The following TWIST2 variants were observed in gnomAD, a reference collection of about 807,000 sequenced individuals.
TWIST2 encodes the protein twist family bHLH transcription factor 2.
A neutral mutation model predicts 11.6 loss-of-function variants in TWIST2; 1 was observed. That is an observed-to-expected ratio of 0.09 (90% CI 0.03 to 0.41). The LOEUF is 0.41. TWIST2 is among the 10% of genes least tolerant of loss of function. TWIST2 has a pLI of 0.98. For synonymous variants in TWIST2, 87 were observed against 96.6 expected (o/e 0.90, Z 0.58); for missense variants, 168 against 226.4 (o/e 0.74, Z 1.66).
At chr2:238,849,113 G>A (rs910869625) in intron 1 of TWIST2, among the ~76,000 whole-genome samples, 2 of 152,180 alleles carry the variant, frequency 1.3e-5, no homozygotes, top group Non-Finnish European at 2.9e-5. Context: ...GGGATATGAG[G>A]ACCAGCTGCC....
In TWIST2 at chr2:238,907,474, T is replaced by C. The variant is rs916296463; in HGVS notation, c.*36-2368T>C. Among the ~76,000 whole-genome samples, 101 of 152,272 alleles carry C rather than the reference T, an allele frequency of 6.6e-4. 1 individual carries two copies. The highest frequency in any genetic ancestry group is 1.2e-3 in the Non-Finnish European group (81 of 68,016). On this transcript the variant is annotated intron_variant, in intron 1 of 1. Coordinates refer to ENST00000612363, the MANE Select transcript of TWIST2 (RefSeq NM_001271893.4). ...CTCTGGGTAGCGCCTGAGCGGGTTC[T>C]TTCCCCAAGGCGCTCCCGGGACAGC...
intron 1 of TWIST2, among the ~76,000 whole-genome samples, chr2:238,890,187 C>G (rs1435247200): frequency 6.2e-4 from 20 of 32,292 alleles, no homozygotes; most frequent in Admixed American, 4.6e-3. Context: ...GTGGCAGCAC[C>G]AGGGGATGCC....
intron 1 of TWIST2, among the ~76,000 whole-genome samples, chr2:238,871,531 AC>A (rs1432473340): frequency 1.2e-5 from 1 of 80,528 alleles, no homozygotes; most frequent in African/African-American, 5.2e-5. Flanking sequence ...CAAACCCCAC[AC>A]CCCACACACA....
At chr2:238,862,916 G>A (rs528967361) in intron 1 of TWIST2, among the ~76,000 whole-genome samples, 2 of 152,282 alleles carry the variant, frequency 1.3e-5, no homozygotes, top group African/African-American at 4.8e-5. Flanking sequence ...CAGTTCATAC[G>A]ATCTCAGGTT....
intron 1 of TWIST2, among the ~76,000 whole-genome samples, chr2:238,883,229 C>A (rs4129102): frequency 0.28 from 42,431 of 151,952 alleles, 6,904 homozygotes; most frequent in Non-Finnish European, 0.37. Context: ...GGGCTGGTGA[C>A]GGTTCCTCCC....
intron 1 of TWIST2, among the ~76,000 whole-genome samples, chr2:238,896,052 G>A (rs1693202892): frequency 6.6e-6 from 1 of 152,274 alleles, no homozygotes; most frequent in South Asian, 2.1e-4. Flanking sequence ...CGGGAGCCCC[G>A]GCGTTGTAAA....
intron 1 of TWIST2, among the ~76,000 whole-genome samples, chr2:238,902,492 G>A (rs1050694045): frequency 4.0e-5 from 6 of 148,384 alleles, no homozygotes; most frequent in Non-Finnish European, 6.0e-5. Flanking sequence ...GTGTGATGTG[G>A]AGTGTGAGTG....
At chr2:238,872,530 G>A (rs1168664187) in intron 1 of TWIST2, among the ~76,000 whole-genome samples, 1 of 152,220 alleles carries the variant, frequency 6.6e-6, no homozygotes, top group African/African-American at 2.4e-5. Flanking sequence ...CGCTGTGCAG[G>A]GAAGGGCGAT....
intron 1 of TWIST2, among the ~76,000 whole-genome samples, chr2:238,882,635 C>T (rs1454687229): frequency 6.6e-6 from 1 of 152,220 alleles, no homozygotes; most frequent in Middle Eastern, 3.2e-3. Context: ...CCCTGCCTTC[C>T]AGACCAGGAG....
rs1186280491 is a variant in TWIST2, at chr2:238,905,975, G to A, written c.*36-3867G>A. ...CGTGTGTACGTGTGCGTGTGTGTGC[G>A]CGCGCGTGTACGTGCGCGTGTGTGC... On this transcript the variant is annotated intron_variant, in intron 1 of 1. Transcript: ENST00000612363. 6.1e-3 allele frequency among the ~76,000 whole-genome samples: 830 copies of A among 135,954 alleles called. 12 individuals carry two copies. The highest frequency in any genetic ancestry group is 0.022 in the African/African-American group (777 of 34,998). The allele number at this position is 135,954 out of a possible 152,430, so 89.2% of individuals were successfully genotyped here.
At chr2:238,871,296 C>G (rs1160493990) in intron 1 of TWIST2, among the ~76,000 whole-genome samples, 2 of 39,964 alleles carry the variant, frequency 5.0e-5, no homozygotes, top group Non-Finnish European at 9.3e-5. Flanking sequence ...CACACACTCC[C>G]CACACACATC....
chr2:238,868,527 C>T (rs1428042896), intron 1 of TWIST2, among the ~76,000 whole-genome samples: 1 of 152,174 alleles, frequency 6.6e-6, no homozygotes, highest in Non-Finnish European at 1.5e-5. Context: ...CCTCCCATTC[C>T]ACGTCCCTAC....
At chr2:238,894,728 G>A (rs1353559567) in intron 1 of TWIST2, among the ~76,000 whole-genome samples, 1 of 150,556 alleles carries the variant, frequency 6.6e-6, no homozygotes, top group Non-Finnish European at 1.5e-5. Flanking sequence ...CTGTGCCCAC[G>A]AGGCCCTTCC....
chr2:238,871,421 A>C (rs371754200), intron 1 of TWIST2, among the ~76,000 whole-genome samples: 8,459 of 32,990 alleles, frequency 0.26, 1,756 homozygotes, highest in East Asian at 0.86. Flanking sequence ...ACACACCACA[A>C]CCCCACACGC....
At chr2:238,848,754 G>C (rs1423919655) in intron 1 of TWIST2, 21 bp downstream of exon 1, 22 of 1,335,602 alleles carry the variant, frequency 1.6e-5, no homozygotes, top group South Asian at 2.0e-5. Flanking sequence ...CGCGCGCGAC[G>C]GGCGCCCTCC....
rs1291381801 is a variant in TWIST2 at position 238,863,174 on chromosome 2, G to A, written c.*35+14441G>A. Among the ~76,000 whole-genome samples the A allele has an allele frequency of 6.6e-6, 1 of 152,078 alleles. No homozygotes were observed. The highest frequency in any genetic ancestry group is 2.4e-5 in the African/African-American group (1 of 41,396). ...CACATGCTGACCGACCCTCCCTCCA[G>A]AGAAGGGCAACTACTCCCAGTCCCA... is the stretch of plus-strand genomic sequence containing the variant. On this transcript the variant is annotated intron_variant, in intron 1 of 1. Transcript: ENST00000612363. This position sits in a 1 kb window ranked among gnomAD's most constrained non-coding sequence, Gnocchi z 4.7.
rs1181982270 is a variant in TWIST2, at chr2:238,867,932, A to G, written c.*35+19199A>G. Among the ~76,000 whole-genome samples the G allele has an allele frequency of 6.6e-6, 1 of 152,142 alleles. No homozygotes were observed. Among genetic ancestry groups the G allele is most frequent in the African/African-American group, 2.4e-5 (1 of 41,424 alleles). On this transcript the variant is annotated intron_variant, in intron 1 of 1. Coordinates refer to ENST00000612363, the MANE Select transcript of TWIST2 (RefSeq NM_001271893.4). The surrounding 1 kb of genome is among the most constrained non-coding windows in gnomAD (Gnocchi z 4.8). ...GGCTGAAGAATGTGTTGGAGCAGAG[A>G]CTGTGGTCAGCGGAAGGCATGAGAG... is the stretch of plus-strand genomic sequence containing the variant.
In TWIST2 at chr2:238,848,647, C is replaced by A; in HGVS notation, c.432C>A (p.Ala144=). The A allele has an allele frequency of 6.5e-7, 1 of 1,537,790 alleles. No homozygotes were observed. Among genetic ancestry groups the A allele is most frequent in the Non-Finnish European group, 8.7e-7 (1 of 1,147,576 alleles). Residue 144 remains alanine, a synonymous_variant, in exon 1 of 2, where the codon GCC becomes GCA. Coordinates refer to ENST00000612363, the MANE Select transcript of TWIST2 (RefSeq NM_001271893.4). ...SYVAHERLSY[A]FSVWRMEGAW... is the part of the protein sequence containing the mutation. ...TGGCCCACGAGCGCCTCAGCTACGC[C>A]TTCTCCGTGTGGCGCATGGAGGGCG...
intron 1 of TWIST2, among the ~76,000 whole-genome samples, chr2:238,900,223 GAATT>G (rs1693253238): frequency 6.6e-6 from 1 of 152,174 alleles, no homozygotes; most frequent in African/African-American, 2.4e-5. Context: ...GACAGCATGA[GAATT>G]AAGAGTGTGA....
Sources: gnomAD v4.1 joint callset for allele counts (sites outside exome capture counted in the v4.1 genomes callset) on GRCh38, gnomAD v4.1.1 for gene constraint, Gnocchi (gnomAD v3.1) non-coding constraint, MANE v1.5 for transcripts, NCBI Gene and HGNC (gene_info 2026-07-23, HGNC 2026-07-21) for gene names.